Variants in CNTNAP5 observed in about 807,000 individuals in gnomAD.
CNTNAP5 encodes the protein contactin-associated protein-like 5.
In CNTNAP5, 72 loss-of-function variants were observed where a neutral mutation model predicts 150.2. The ratio of observed to expected loss-of-function variants is 0.48; its 90% CI spans 0.40 to 0.58. The LOEUF is 0.58. Among genes scored for constraint, CNTNAP5 ranks in the 20% least tolerant of loss-of-function variants. CNTNAP5 has a pLI of 0.00. For missense variants in CNTNAP5, 1,636 were observed against 1,626.2 expected, an observed-to-expected ratio of 1.01 and a Z score of -0.10; for synonymous variants, 672 against 619.8, an observed-to-expected ratio of 1.08 and a Z score of -1.25.
intron 3 of CNTNAP5, among the ~76,000 whole-genome samples, chr2:124,408,549 A>T (rs1351520505): frequency 1.3e-5 from 2 of 151,892 alleles, no homozygotes; most frequent in Non-Finnish European, 2.9e-5. Flanking sequence ...GAACGGGCAG[A>T]CTGCCTCCTC....
intron 1 of CNTNAP5, among the ~76,000 whole-genome samples, chr2:124,077,403 A>G (rs1033189599): frequency 6.6e-6 from 1 of 152,182 alleles, no homozygotes; most frequent in African/African-American, 2.4e-5. Context: ...ATAACTCCCA[A>G]ATTCAAAGTC....
chr2:124,296,767 C>T (rs1392666292), intron 3 of CNTNAP5, among the ~76,000 whole-genome samples: 1 of 152,158 alleles, frequency 6.6e-6, no homozygotes, highest in Non-Finnish European at 1.5e-5. Context: ...TCAATACCCC[C>T]TCTCCCCATA....
chr2:124,108,570 T>C (rs1419458378), intron 1 of CNTNAP5, among the ~76,000 whole-genome samples: 5 of 152,180 alleles, frequency 3.3e-5, no homozygotes, highest in African/African-American at 1.2e-4. Flanking sequence ...GTGCCATGTC[T>C]CAGAAAAGGA....
chr2:124,895,950 G>A lies in CNTNAP5; in HGVS notation c.3437-6932G>A, dbSNP rs921468116. Among the ~76,000 whole-genome samples the A allele has an allele frequency of 3.3e-5, 5 of 151,468 alleles. 1 individual carries two copies. Among genetic ancestry groups the A allele is most frequent in the African/African-American group, 9.8e-5 (4 of 40,846 alleles). Reference sequence around the variant, plus strand: ...AGGCCAATGGGCACTGTGAAGAGTCGGTGCATGGGCCATGCCTTGTAAGGC... The same window carrying A: ...AGGCCAATGGGCACTGTGAAGAGTCAGTGCATGGGCCATGCCTTGTAAGGC... On this transcript the variant is annotated intron_variant, in intron 21 of 23. Coordinates refer to ENST00000682447, the MANE Select transcript of CNTNAP5 (RefSeq NM_001367498.1).
chr2:124,361,191 A>G (rs941960063), intron 3 of CNTNAP5, among the ~76,000 whole-genome samples: 8 of 146,424 alleles, frequency 5.5e-5, no homozygotes, highest in Non-Finnish European at 1.2e-4. Flanking sequence ...TGTATTGGTT[A>G]TTCTAGTTAT....
At chr2:124,236,649 G>A (rs569306679) in intron 2 of CNTNAP5, among the ~76,000 whole-genome samples, 59 of 152,210 alleles carry the variant, frequency 3.9e-4, no homozygotes, top group African/African-American at 1.2e-3. Context: ...CAGAGGCATC[G>A]ACCATTTAAT....
At chr2:124,466,363 G>A (rs948032901) in intron 6 of CNTNAP5, among the ~76,000 whole-genome samples, 1 of 152,030 alleles carries the variant, frequency 6.6e-6, no homozygotes, top group African/African-American at 2.4e-5. Context: ...ATGGTTTCCT[G>A]TAGATTTTGG....
intron 3 of CNTNAP5, among the ~76,000 whole-genome samples, chr2:124,253,338 A>C (rs1687232785): frequency 6.6e-6 from 1 of 152,088 alleles, no homozygotes; most frequent in Non-Finnish European, 1.5e-5. Flanking sequence ...GTGTGGTATA[A>C]ATATATGTGT....
At chr2:124,655,111 A>G (rs1018443187) in intron 13 of CNTNAP5, among the ~76,000 whole-genome samples, 1 of 152,196 alleles carries the variant, frequency 6.6e-6, no homozygotes, top group East Asian at 1.9e-4. Context: ...TCCAGCATGC[A>G]TTAGGTATTT....
At chr2:124,448,051 G>A (rs1478605327) in intron 6 of CNTNAP5, among the ~76,000 whole-genome samples, 2 of 152,062 alleles carry the variant, frequency 1.3e-5, no homozygotes, top group South Asian at 2.1e-4. Context: ...AGCAGATCAC[G>A]AGGTCAGGAG....
chr2:124,211,979 T>C (rs1335653386), intron 1 of CNTNAP5, among the ~76,000 whole-genome samples: 2 of 152,162 alleles, frequency 1.3e-5, no homozygotes, highest in East Asian at 1.9e-4. Flanking sequence ...TTTAGCCCCA[T>C]TGTATTCAAA....
intron 1 of CNTNAP5, among the ~76,000 whole-genome samples, chr2:124,054,015 G>A (rs1681779228): frequency 6.6e-6 from 1 of 152,178 alleles, no homozygotes; most frequent in African/African-American, 2.4e-5. Context: ...ATGTCAACAT[G>A]ATTTACTGGA....
At chr2:124,656,060 CAAAAAAA>C (rs35504704) in intron 13 of CNTNAP5, among the ~76,000 whole-genome samples, 1 of 123,430 alleles carries the variant, frequency 8.1e-6, no homozygotes, top group East Asian at 2.7e-4. Flanking sequence ...GACTTTATCT[CAAAAAAA>C]AAAAAAAAAG....
intron 19 of CNTNAP5, among the ~76,000 whole-genome samples, chr2:124,856,675 G>C (rs1448900730): frequency 2.0e-5 from 3 of 152,066 alleles, no homozygotes; most frequent in African/African-American, 7.2e-5. Flanking sequence ...TTTCAAGTAG[G>C]ATATAAATAA....
chr2:124,467,428 C>T (rs1396028719), intron 6 of CNTNAP5, among the ~76,000 whole-genome samples: 2 of 152,084 alleles, frequency 1.3e-5, no homozygotes, highest in African/African-American at 4.8e-5. Flanking sequence ...AGAGTAGGTA[C>T]AATAACTCGG....
At position 124,446,773 on chromosome 2, in the gene CNTNAP5, A is replaced by AG. The variant is rs1218959392; in HGVS notation, c.755dup (p.Ser252ArgfsTer15). 1.9e-6 allele frequency: 3 copies of AG among 1,613,666 alleles called. No individual in the cohort carries two copies. The stretch of plus-strand genomic sequence containing the variant: ...CACAGGTGACAGCAAAGCGCGGCTC[A>AG]GCAGCAGCTTGCCCTCTGCCACCCT... On this transcript the variant is annotated frameshift_variant, in exon 6 of 24. Transcript: ENST00000682447. LOFTEE classifies it high-confidence loss of function.
chr2:124,670,133 T>TTCCTTCC (rs1678782839), intron 13 of CNTNAP5, among the ~76,000 whole-genome samples: 2 of 112,510 alleles, frequency 1.8e-5, no homozygotes, highest in Non-Finnish European at 3.8e-5. Context: ...TCCTTCCTTC[T>TTCCTTCC]TTCCTTCCTT....
intron 10 of CNTNAP5, among the ~76,000 whole-genome samples, chr2:124,544,110 A>C (rs995539979): frequency 6.6e-6 from 1 of 152,120 alleles, no homozygotes; most frequent in Non-Finnish European, 1.5e-5. Context: ...TTCCACCCCC[A>C]AAAAACTTAG....
intron 22 of CNTNAP5, among the ~76,000 whole-genome samples, chr2:124,906,712 A>C (rs1678545020): frequency 6.6e-6 from 1 of 152,142 alleles, no homozygotes; most frequent in South Asian, 2.1e-4. Context: ...TTGAGAAATA[A>C]ATTTTTTAAC....
Sources: gnomAD v4.1 joint callset for allele counts (sites outside exome capture counted in the v4.1 genomes callset) on GRCh38, gnomAD v4.1.1 for gene constraint, MANE v1.5 for transcripts, NCBI Gene and HGNC (gene_info 2026-07-23, HGNC 2026-07-21) for gene names.